Variants in CNST observed in about 807,000 individuals in gnomAD.
CNST encodes consortin, connexin sorting protein.
CNST carries 39 observed loss-of-function variants against 72.4 expected under a neutral mutation model. That is an observed-to-expected ratio of 0.54 (90% CI 0.42 to 0.70). The LOEUF is 0.70. Among genes scored for constraint, CNST ranks in the 30% least tolerant of loss-of-function variants. The probability of loss-of-function intolerance (pLI) is 0.00; values close to 1 mark genes in which losing one functional copy is unlikely to be tolerated. For synonymous variants in CNST, 332 were observed against 320.1 expected (o/e 1.04, Z -0.40); for missense variants, 871 against 868.5 (o/e 1.00, Z -0.04).
At chr1:246,574,472 T>C (rs185173113) in intron 1 of CNST, among the ~76,000 whole-genome samples, 95 of 152,352 alleles carry the variant, frequency 6.2e-4, no homozygotes, top group African/African-American at 2.2e-3. Flanking sequence ...ATCACCCAGG[T>C]TGCCATGCAG....
intron 10 of CNST, among the ~76,000 whole-genome samples, chr1:246,663,080 C>T (rs1353791165): frequency 2.0e-5 from 3 of 152,140 alleles, no homozygotes; most frequent in Admixed American, 6.6e-5. Context: ...CAGTGGCTCA[C>T]ACCTGTCATC....
At chr1:246,653,044 A>G (rs892399114) in intron 9 of CNST, among the ~76,000 whole-genome samples, 3 of 152,012 alleles carry the variant, frequency 2.0e-5, no homozygotes, top group Non-Finnish European at 4.4e-5. Context: ...AGGAGAGAGC[A>G]ACTCATGTTC....
chr1:246,663,462 T>C (rs556253888), intron 10 of CNST, among the ~76,000 whole-genome samples: 1 of 152,200 alleles, frequency 6.6e-6, no homozygotes, highest in South Asian at 2.1e-4. Flanking sequence ...TATTTTAGAC[T>C]GGGCGTGGTG....
At chr1:246,645,424 C>CTTTTTTTTTTTTTT (rs1553384186) in intron 8 of CNST, among the ~76,000 whole-genome samples, 1 of 106,102 alleles carries the variant, frequency 9.4e-6, no homozygotes, top group African/African-American at 3.3e-5. Context: ...AAGGTTAAAA[C>CTTTTTTTTTTTTTT]TTTTTTTTTT....
intron 1 of CNST, among the ~76,000 whole-genome samples, chr1:246,582,545 C>T (rs1028312489): frequency 1.3e-4 from 20 of 152,072 alleles, no homozygotes; most frequent in African/African-American, 4.8e-4. Context: ...CTCCCCTTTA[C>T]CCCCTAGTAA....
chr1:246,610,182 T>C (rs1440485161), intron 2 of CNST, among the ~76,000 whole-genome samples: 1 of 152,132 alleles, frequency 6.6e-6, no homozygotes, highest in African/African-American at 2.4e-5. Context: ...CTTGGGAGGC[T>C]GAGGCAAAGA....
rs150846276 is a variant in CNST at position 246,604,000 on chromosome 1, G to A, written c.379+12059G>A. ...CCACTTTGGGAGGCCTAGGCGGGTG[G>A]ATCACCTGAGGTCAGGAGTTTGAGA... On this transcript the variant is annotated intron_variant, in intron 2 of 10. Transcript: ENST00000366513. 3.1e-3 allele frequency among the ~76,000 whole-genome samples: 476 copies of A among 152,316 alleles called. 1 individual carries two copies. Among genetic ancestry groups the A allele is most frequent in the Non-Finnish European group, 5.0e-3 (337 of 68,020 alleles).
chr1:246,646,009 G>A (rs530369359), intron 8 of CNST, among the ~76,000 whole-genome samples: 2 of 152,092 alleles, frequency 1.3e-5, no homozygotes, highest in East Asian at 3.9e-4. Flanking sequence ...GCTCGGCGTG[G>A]TGGCTCACGC....
chr1:246,662,666 C>T (rs1413930228), intron 10 of CNST, among the ~76,000 whole-genome samples: 1 of 152,226 alleles, frequency 6.6e-6, no homozygotes, highest in Non-Finnish European at 1.5e-5. Context: ...GCTGGGATTA[C>T]AGGCGTGAGC....
chr1:246,612,746 C>T (rs1441327866), intron 2 of CNST, among the ~76,000 whole-genome samples: 1 of 151,836 alleles, frequency 6.6e-6, no homozygotes, highest in Non-Finnish European at 1.5e-5. Context: ...AAAAATTAGC[C>T]AGGGGGTGTG....
intron 2 of CNST, among the ~76,000 whole-genome samples, chr1:246,596,432 T>C (rs1478252468): frequency 6.6e-6 from 1 of 151,902 alleles, no homozygotes; most frequent in Non-Finnish European, 1.5e-5. Flanking sequence ...AATTTTTCAC[T>C]GTAGTTAAAA....
intron 8 of CNST, among the ~76,000 whole-genome samples, chr1:246,644,298 A>G (rs1238867809): frequency 6.7e-6 from 1 of 148,728 alleles, no homozygotes; most frequent in Non-Finnish European, 1.5e-5. Flanking sequence ...CTGAGGCAGG[A>G]GAATGGCGTG....
intron 8 of CNST, 127 bp from the exon 9 acceptor site, chr1:246,647,012 C>A: frequency 1.2e-6 from 1 of 833,464 alleles, no homozygotes; most frequent in Non-Finnish European, 1.8e-6. Context: ...TATTATGCAA[C>A]AGACAGAATT....
rs899991449 is a variant in CNST at position 246,666,002 on chromosome 1, C to T, written c.*97C>T. 8.2e-6 allele frequency: 7 copies of T among 850,874 alleles called. No homozygotes were observed. The highest frequency in any genetic ancestry group is 1.1e-5 in the Non-Finnish European group (6 of 547,098). 52.7% of individuals were successfully genotyped at this position (850,874 alleles called of 1,614,324 possible). ...AGGAATTCTGTAGCATTCCCCCTTC[C>T]CTCTGTTAGGAACCAAGGACATCAG... On this transcript the variant is annotated 3_prime_UTR_variant, in exon 11 of 11. Coordinates refer to ENST00000366513, the MANE Select transcript of CNST (RefSeq NM_152609.3).
chr1:246,572,368 A>AT (rs1353746211), intron 1 of CNST, among the ~76,000 whole-genome samples: 2 of 152,198 alleles, frequency 1.3e-5, no homozygotes, highest in African/African-American at 4.8e-5. Flanking sequence ...TACTGCTTAT[A>AT]TTTTGATTTT....
At chr1:246,600,594 C>T (rs1662213742) in intron 2 of CNST, among the ~76,000 whole-genome samples, 1 of 152,088 alleles carries the variant, frequency 6.6e-6, no homozygotes, top group South Asian at 2.1e-4. Context: ...AAAAAGAGTC[C>T]AGGATAATCT....
intron 6 of CNST, among the ~76,000 whole-genome samples, chr1:246,635,496 T>A (rs1665145335): frequency 6.6e-6 from 1 of 152,048 alleles, no homozygotes; most frequent in Non-Finnish European, 1.5e-5. Context: ...ACGGGCTACT[T>A]TTCTGATGTT....
At chr1:246,569,826 G>C (rs1382244264) in intron 1 of CNST, 1 of 317,742 alleles carries the variant, frequency 3.1e-6, no homozygotes, top group Admixed American at 6.5e-5. Context: ...GCGTGTCATT[G>C]TTACTAGTTA....
intron 9 of CNST, among the ~76,000 whole-genome samples, chr1:246,657,965 A>G (rs1024162598): frequency 5.9e-5 from 9 of 152,220 alleles, no homozygotes; most frequent in African/African-American, 1.9e-4. Context: ...TATTCTTAAT[A>G]GGGTTGTTTT....
Sources: allele counts gnomAD v4.1 joint callset (sites outside exome capture counted in the v4.1 genomes callset), GRCh38; gene constraint gnomAD v4.1.1; transcripts MANE v1.5; gene names NCBI Gene and HGNC (gene_info 2026-07-23, HGNC 2026-07-21).